Variants in TAFA1 observed in about 807,000 individuals in gnomAD.
TAFA1 encodes TAFA chemokine like family member 1.
Under a neutral mutation model 18.5 loss-of-function variants are expected in TAFA1, and 4 were observed. The ratio of observed to expected loss-of-function variants is 0.22; its 90% CI spans 0.11 to 0.49. The LOEUF (loss-of-function observed/expected upper bound fraction) is 0.49, where lower values mean the gene tolerates loss of function less well. Ranked by LOEUF, TAFA1 falls within the 20% of genes least tolerant of loss-of-function variation. The probability of loss-of-function intolerance (pLI) is 0.98; values close to 1 mark genes in which losing one functional copy is unlikely to be tolerated. For missense variants in TAFA1, 147 were observed against 169.0 expected (o/e 0.87, Z 0.72); for synonymous variants, 56 against 55.2 (o/e 1.01, Z -0.06).
chr3:68,319,126 A>T (rs2068657812), intron 2 of TAFA1, among the ~76,000 whole-genome samples: 1 of 152,196 alleles, frequency 6.6e-6, no homozygotes, highest in Non-Finnish European at 1.5e-5. Flanking sequence ...CATAAAAGAG[A>T]TAGTTATAAA....
At chr3:68,082,380 C>G (rs1184256741) in intron 2 of TAFA1, among the ~76,000 whole-genome samples, 1 of 152,130 alleles carries the variant, frequency 6.6e-6, no homozygotes, top group Admixed American at 6.5e-5. Context: ...CATTTTTTTC[C>G]TGAAGCAATT....
At chr3:68,308,681 A>T (rs571214161) in intron 2 of TAFA1, among the ~76,000 whole-genome samples, 1 of 152,152 alleles carries the variant, frequency 6.6e-6, no homozygotes, top group Non-Finnish European at 1.5e-5. Flanking sequence ...TGTCATTCTC[A>T]TCAAATGATT....
intron 2 of TAFA1, among the ~76,000 whole-genome samples, chr3:68,241,873 C>A (rs1026113942): frequency 6.6e-6 from 1 of 152,150 alleles, no homozygotes; most frequent in Non-Finnish European, 1.5e-5. Context: ...TAACAGAAAG[C>A]GCAGGGTGTG....
chr3:68,315,434 G>C (rs1338485200), intron 2 of TAFA1, among the ~76,000 whole-genome samples: 1 of 152,102 alleles, frequency 6.6e-6, no homozygotes, highest in Non-Finnish European at 1.5e-5. Context: ...CGCGGAAATA[G>C]TTTTGGAATT....
intron 3 of TAFA1, among the ~76,000 whole-genome samples, chr3:68,466,010 G>A (rs950158711): frequency 8.5e-5 from 13 of 152,114 alleles, no homozygotes; most frequent in Admixed American, 6.6e-5. Flanking sequence ...TTGTATAATT[G>A]TTATGGTAGA....
intron 3 of TAFA1, among the ~76,000 whole-genome samples, chr3:68,507,233 TG>T (rs2072773910): frequency 6.6e-6 from 1 of 151,956 alleles, no homozygotes; most frequent in South Asian, 2.1e-4. Flanking sequence ...GAGCCACCAC[TG>T]GGCCCTAAAA....
At chr3:68,310,786 T>TA (rs2068502266) in intron 2 of TAFA1, among the ~76,000 whole-genome samples, 1 of 152,224 alleles carries the variant, frequency 6.6e-6, no homozygotes, top group Non-Finnish European at 1.5e-5. Flanking sequence ...ATGTTAATGC[T>TA]AAAAGATAGT....
At chr3:68,194,568 GTTA>G (rs1183687994) in intron 2 of TAFA1, among the ~76,000 whole-genome samples, 2 of 151,644 alleles carry the variant, frequency 1.3e-5, no homozygotes, top group African/African-American at 4.8e-5. Context: ...CAATATTTTT[GTTA>G]TTGTTGTTGT....
At chr3:68,426,051 T>TG (rs1400962608) in intron 3 of TAFA1, among the ~76,000 whole-genome samples, 2 of 151,488 alleles carry the variant, frequency 1.3e-5, no homozygotes, top group African/African-American at 4.9e-5. Context: ...GAATTATTTT[T>TG]TCTAAAAAAT....
chr3:68,262,230 G>T (rs1253462882), intron 2 of TAFA1, among the ~76,000 whole-genome samples: 2 of 143,624 alleles, frequency 1.4e-5, no homozygotes, highest in African/African-American at 5.1e-5. Context: ...TCACTAACTA[G>T]TGATTACCCA....
At chr3:68,120,106 G>T (rs6549006) in intron 2 of TAFA1, among the ~76,000 whole-genome samples, 141,121 of 151,682 alleles carry the variant, frequency 0.93, 65,797 homozygotes, top group South Asian at 0.96. Flanking sequence ...ACCTGCAAGA[G>T]TTTGTCATTC....
At chr3:68,281,243 G>A (rs1374942942) in intron 2 of TAFA1, among the ~76,000 whole-genome samples, 1 of 152,174 alleles carries the variant, frequency 6.6e-6, no homozygotes, top group East Asian at 1.9e-4. Context: ...TTAAAGGGAA[G>A]AATGGATATA....
intron 2 of TAFA1, among the ~76,000 whole-genome samples, chr3:68,381,773 G>GCCTGATTGC (rs1241372476): frequency 2.6e-5 from 4 of 152,134 alleles, no homozygotes; most frequent in Non-Finnish European, 5.9e-5. Flanking sequence ...TCCTTCTGCT[G>GCCTGATTGC]CCTGATTGCC....
At chr3:68,262,348 T>C in intron 2 of TAFA1, among the ~76,000 whole-genome samples, 2 of 99,168 alleles carry the variant, frequency 2.0e-5, no homozygotes, top group East Asian at 1.1e-3. Flanking sequence ...TATATATATA[T>C]ATATATATAT....
chr3:68,386,376 A>G (rs1037238322), intron 2 of TAFA1, among the ~76,000 whole-genome samples: 1 of 152,062 alleles, frequency 6.6e-6, no homozygotes, highest in African/African-American at 2.4e-5. Context: ...ATGTGTAGTG[A>G]CTGAGGTGGT....
intron 2 of TAFA1, among the ~76,000 whole-genome samples, chr3:68,415,850 A>G (rs2070825159): frequency 6.6e-6 from 1 of 152,180 alleles, no homozygotes; most frequent in Non-Finnish European, 1.5e-5. Flanking sequence ...AAAGAGGCTG[A>G]TATGAAAGCC....
chr3:68,106,362 A>G (rs918239076), intron 2 of TAFA1, among the ~76,000 whole-genome samples: 10 of 152,188 alleles, frequency 6.6e-5, no homozygotes, highest in African/African-American at 2.2e-4. Context: ...GCCACCAGCC[A>G]AAGAGGCTAT....
At chr3:68,164,972 C>G (rs1019085012) in intron 2 of TAFA1, among the ~76,000 whole-genome samples, 4 of 152,108 alleles carry the variant, frequency 2.6e-5, no homozygotes, top group Admixed American at 1.3e-4. Context: ...TATTTGAAGT[C>G]CATGAATCCT....
chr3:68,180,183 C>T (rs190429751), intron 2 of TAFA1, among the ~76,000 whole-genome samples: 19 of 119,632 alleles, frequency 1.6e-4, no homozygotes, highest in Non-Finnish European at 2.2e-4. Flanking sequence ...CAGGTGTGCA[C>T]CACCACACCT....
Sources: allele counts gnomAD v4.1 joint callset (sites outside exome capture counted in the v4.1 genomes callset), GRCh38; gene constraint gnomAD v4.1.1; transcripts MANE v1.5; gene names NCBI Gene and HGNC (gene_info 2026-07-23, HGNC 2026-07-21).